The following HOMER3 variants were observed in gnomAD, a reference collection of about 807,000 sequenced individuals.
HOMER3 encodes the protein homer scaffold protein 3.
Under a neutral mutation model 45.5 loss-of-function variants are expected in HOMER3, and 34 were observed. The observed-to-expected ratio is 0.75, with a 90% CI of 0.57 to 1.00. The LOEUF is 1.00. HOMER3 is among the 50% of genes least tolerant of loss of function. The pLI is 0.00. For synonymous variants in HOMER3, 223 were observed against 208.8 expected (o/e 1.07, Z -0.58); for missense variants, 480 against 497.5 (o/e 0.96, Z 0.33).
intron 4 of HOMER3, among the ~76,000 whole-genome samples, chr19:18,936,818 G>A (rs191368623): frequency 8.2e-4 from 125 of 151,614 alleles, no homozygotes; most frequent in African/African-American, 2.8e-3. Flanking sequence ...TGAAACCCCC[G>A]TCTCTATTAA....
intron 6 of HOMER3, 51 bp downstream of exon 6, chr19:18,932,873 T>TGCCCC: frequency 1.1e-6 from 1 of 877,174 alleles, no homozygotes; most frequent in Non-Finnish European, 1.6e-6. Context: ...CGCCTCCTCG[T>TGCCCC]CCCCCACCCC....
At chr19:18,930,364 G>A (rs1181655560) in intron 9 of HOMER3, among the ~76,000 whole-genome samples, 1 of 149,012 alleles carries the variant, frequency 6.7e-6, no homozygotes, top group East Asian at 2.0e-4. Context: ...TGGCTAACAT[G>A]GTGAAACCCC....
rs2057054149 is a variant in HOMER3, at chr19:18,932,951, T to C, written c.506A>G (p.Glu169Gly). 2 of 1,329,582 alleles carry C rather than the reference T, an allele frequency of 1.5e-6. No individual in the cohort carries two copies. The highest frequency in any genetic ancestry group is 2.0e-6 in the Non-Finnish European group (2 of 1,024,954). The allele number at this position is 1,329,582 out of a possible 1,614,324, so 82.4% of individuals were successfully genotyped here. A position where few individuals can be genotyped will look rare whatever the true frequency, so the allele number is the denominator to read the frequency against. The change falls in exon 6 of 10, where the codon GAG (glutamate) becomes GGG (glycine). Residue 169 changes from glutamate (E) to glycine (G), a missense_variant. Coordinates refer to ENST00000392351, the MANE Select transcript of HOMER3 (RefSeq NM_004838.4). ...SADAPGPTER[E>G]RLKKMLSEGS... is the part of the protein sequence containing the mutation. ...CTCAGACAACATCTTCTTTAGCCGCTCGCGCTCTGTGGGGCCGGGGGCATC... is the reference window on the plus strand; with the variant it reads ...CTCAGACAACATCTTCTTTAGCCGCCCGCGCTCTGTGGGGCCGGGGGCATC...
intron 5 of HOMER3, among the ~76,000 whole-genome samples, chr19:18,933,976 G>C (rs942353439): frequency 6.6e-6 from 1 of 152,048 alleles, no homozygotes; most frequent in Non-Finnish European, 1.5e-5. Context: ...AAATTGCTGG[G>C]ATTACAGGCG....
intron 6 of HOMER3, among the ~76,000 whole-genome samples, chr19:18,932,622 GGA>G (rs2057048823): frequency 6.6e-6 from 1 of 152,082 alleles, no homozygotes; most frequent in South Asian, 2.1e-4. Context: ...GGGAGGTTGG[GGA>G]GAGTCAGCCG....
chr19:18,933,390 C>G (rs1374226886), intron 5 of HOMER3, among the ~76,000 whole-genome samples: 1 of 152,204 alleles, frequency 6.6e-6, no homozygotes, highest in Non-Finnish European at 1.5e-5. Flanking sequence ...TCCCTGAGGC[C>G]GAACTTCAAC....
intron 9 of HOMER3, among the ~76,000 whole-genome samples, chr19:18,930,244 CA>C (rs2145117324): frequency 9.0e-6 from 1 of 110,514 alleles, no homozygotes; most frequent in African/African-American, 3.4e-5. Flanking sequence ...AGTGAGACTC[CA>C]TCTCAAAAAA....
rs574901112 is a variant in HOMER3 at position 18,931,198 on chromosome 19, C to T, written c.894+127G>A. On this transcript the variant is annotated intron_variant, in intron 9 of 9. Transcript: ENST00000392351. ...ACAGCCACTGTTCACGCGGCACCTGCTGGGCATCAGGCCTTCCACAGGACT... is the reference window on the plus strand; with the variant it reads ...ACAGCCACTGTTCACGCGGCACCTGTTGGGCATCAGGCCTTCCACAGGACT... 6.4e-6 allele frequency: 5 copies of T among 781,450 alleles called. No homozygotes were observed. The East Asian group carries it at 1.3e-4, about 20-fold the overall frequency. The allele number at this position is 781,450 out of a possible 1,614,324, so 48.4% of individuals were successfully genotyped here. A position where few individuals can be genotyped will look rare whatever the true frequency, so the allele number is the denominator to read the frequency against.
intron 1 of HOMER3, 66 bp downstream of exon 1, chr19:18,940,985 C>G (rs2057150017): frequency 6.6e-6 from 1 of 152,196 alleles, no homozygotes; most frequent in Non-Finnish European, 1.5e-5. Flanking sequence ...CCCCCACGCC[C>G]TCCCCTTGGC....
At chr19:18,935,116 A>G (rs1042118130) in intron 4 of HOMER3, among the ~76,000 whole-genome samples, 6 of 147,780 alleles carry the variant, frequency 4.1e-5, no homozygotes, top group Non-Finnish European at 8.9e-5. Flanking sequence ...TGGTGGGATT[A>G]CAGGCACAGC....
At chr19:18,936,679 A>C (rs980337302) in intron 4 of HOMER3, among the ~76,000 whole-genome samples, 1 of 150,118 alleles carries the variant, frequency 6.7e-6, no homozygotes, top group Non-Finnish European at 1.5e-5. Flanking sequence ...AAAAAAAAAA[A>C]GACCTAAATT....
chr19:18,931,879 T>C lies in HOMER3; in HGVS notation c.690+97A>G, dbSNP rs73529155. The C allele has an allele frequency of 5.1e-3, 7,335 of 1,434,936 alleles. 326 individuals are homozygous for C. In the African/African-American group the frequency reaches 0.091, roughly 18 times the overall value. 88.9% of individuals were successfully genotyped at this position (1,434,936 alleles called of 1,614,324 possible). ...CAGTGACCTGCTGAGGTCACACAGC[T>C]AGTCCATGAACCCAGGGCAGATGGG... On this transcript the variant is annotated intron_variant, in intron 7 of 9. Transcript: ENST00000392351.
At chr19:18,931,227 C>A (rs1449298727) in intron 9 of HOMER3, 98 bp downstream of exon 9, 3 of 1,089,742 alleles carry the variant, frequency 2.8e-6, no homozygotes, top group Admixed American at 1.9e-5. Flanking sequence ...CAGGACTGGG[C>A]CTCCCAATAC....
At chr19:18,934,145 C>T (rs542567584) in intron 5 of HOMER3, among the ~76,000 whole-genome samples, 158 bp downstream of exon 5, 1 of 152,368 alleles carries the variant, frequency 6.6e-6, no homozygotes, top group East Asian at 1.9e-4. Flanking sequence ...CCTCTGTGGT[C>T]CCTGCTGTGG....
chr19:18,939,237 C>A (rs1047924675), intron 1 of HOMER3, 188 bp from the exon 2 acceptor site: 25 of 481,934 alleles, frequency 5.2e-5, no homozygotes, highest in Non-Finnish European at 9.2e-5. Flanking sequence ...CCCAGGAGTT[C>A]GAGACCATCC....
Position 18,931,960 on chromosome 19 carries a change from G to A in HOMER3, c.690+16C>T. Reference sequence around the variant, plus strand: ...CGGGCCAGGTGGGGGTCTCTCGGAGGGAGGGGTGCCCTCACCCGCTGCCGC... The same window carrying A: ...CGGGCCAGGTGGGGGTCTCTCGGAGAGAGGGGTGCCCTCACCCGCTGCCGC... On this transcript the variant is annotated intron_variant, in intron 7 of 9. Transcript: ENST00000392351. 2 of 1,513,830 alleles carry A rather than the reference G, an allele frequency of 1.3e-6. No homozygotes were observed. Among genetic ancestry groups the A allele is most frequent in the Non-Finnish European group, 1.8e-6 (2 of 1,131,328 alleles). The allele number at this position is 1,513,830 out of a possible 1,614,324, so 93.8% of individuals were successfully genotyped here.
At position 18,938,740 on chromosome 19, in the gene HOMER3, G is replaced by A. The variant is rs35399855; in HGVS notation, c.159C>T (p.Ile53=). The A allele has an allele frequency of 9.8e-4, 1,210 of 1,233,410 alleles. No homozygotes were observed. Among genetic ancestry groups the A allele is most frequent in the Non-Finnish European group, 1.3e-3 (1,126 of 886,798 alleles). The allele number at this position is 1,233,410 out of a possible 1,614,324, so 76.4% of individuals were successfully genotyped here. A position where few individuals can be genotyped will look rare whatever the true frequency, so the allele number is the denominator to read the frequency against. ...ACCCCACCCTGACCTTGGCGCCTCC[G>A]ATGCTGATGATGCGGTACACATTGC... ...ATRNVYRIIS[I]GGAKAIINST... The change falls in exon 3 of 10, where the codon ATC becomes ATT. Residue 53 remains isoleucine (I), a synonymous_variant. Coordinates refer to ENST00000392351, the MANE Select transcript of HOMER3 (RefSeq NM_004838.4).
At chr19:18,932,198 G>A (rs1404998591) in intron 6 of HOMER3, 66 bp from the exon 7 acceptor site, 2 of 1,326,442 alleles carry the variant, frequency 1.5e-6, no homozygotes, top group African/African-American at 3.0e-5. Context: ...GCGATGCTGG[G>A]CTAGGGGGCG....
intron 1 of HOMER3, chr19:18,939,259 G>A (rs2057129321): frequency 4.6e-6 from 2 of 433,962 alleles, no homozygotes; most frequent in Admixed American, 3.9e-5. Context: ...GAGCAACATG[G>A]CGAGACCCCA....
Sources: allele counts gnomAD v4.1 joint callset (sites outside exome capture counted in the v4.1 genomes callset), GRCh38; gene constraint gnomAD v4.1.1; transcripts MANE v1.5; gene names NCBI Gene and HGNC (gene_info 2026-07-23, HGNC 2026-07-21).